Variants in TDRD6 observed in about 807,000 individuals in gnomAD.
The protein encoded by TDRD6 is tudor domain containing 6.
Under a neutral mutation model 157.5 loss-of-function variants are expected in TDRD6, and 186 were observed. The observed-to-expected ratio is 1.18, with a 90% CI of 1.05 to 1.33. The LOEUF (loss-of-function observed/expected upper bound fraction) is 1.33, where lower values mean the gene tolerates loss of function less well. TDRD6 is among the 40% of genes most tolerant of loss of function. TDRD6 has a pLI of 0.00. For synonymous variants in TDRD6, 1,075 were observed against 945.2 expected (o/e 1.14, Z -2.52); for missense variants, 3,066 against 2,508.0 (o/e 1.22, Z -4.75).
At chr6:46,683,883 A>G (rs1194302973), upstream of TDRD6, among the ~76,000 whole-genome samples, 4 of 152,156 alleles carry the variant, frequency 2.6e-5, no homozygotes, top group Admixed American at 2.6e-4. Context: ...TTCAAAATCT[A>G]AAGCCCTTCC....
In TDRD6 at chr6:46,703,726, CATTAA is replaced by C. The variant is rs1764682081; in HGVS notation, c.*1842_*1846del. The C allele has an allele frequency of 6.6e-6, 1 of 151,874 alleles. No individual in the cohort carries two copies. The highest frequency in any genetic ancestry group is 2.4e-5 in the African/African-American group (1 of 41,334). The allele number at this position is 151,874 out of a possible 1,614,324, so 9.4% of individuals were successfully genotyped here. ...TTACTACTACATATAGAATTGAAAACATTAAATAAAATTAACTGGAATATGAAGAA... is the reference window on the plus strand; with the variant it reads ...TTACTACTACATATAGAATTGAAAACATAAAATTAACTGGAATATGAAGAA... On this transcript the variant is annotated 3_prime_UTR_variant, in exon 4 of 4. Coordinates refer to ENST00000316081, the MANE Select transcript of TDRD6 (RefSeq NM_001010870.3).
At position 46,690,618 on chromosome 6, in the gene TDRD6, C is replaced by T. The variant is rs763995768; in HGVS notation, c.2490C>T (p.Asn830=). 5 of 1,614,054 alleles carry T rather than the reference C, an allele frequency of 3.1e-6. No individual in the cohort carries two copies. Among genetic ancestry groups the T allele is most frequent in the Non-Finnish European group, 3.4e-6 (4 of 1,180,042 alleles). ...CTTGTTTGGCTAAGCGAACAGTAAA[C>T]AGACAGTGGTCCAGAGCACTTATTA... ...TLACLAKRTV[N]RQWSRALISG... is the part of the protein sequence containing the mutation. Residue 830 remains asparagine (N), a synonymous_variant, in exon 1 of 4, where the codon AAC becomes AAT. Coordinates refer to ENST00000316081, the MANE Select transcript of TDRD6 (RefSeq NM_001010870.3).
rs1582548074 is a variant in TDRD6, at chr6:46,693,681, G to A, written c.5553G>A (p.Leu1851=). Residue 1851 remains leucine, a synonymous_variant, in exon 1 of 4, where the codon CTG becomes CTA. Coordinates refer to ENST00000316081, the MANE Select transcript of TDRD6 (RefSeq NM_001010870.3). ...PDDESKEFLE[L]ESIELQNSLV... The stretch of plus-strand genomic sequence containing the variant: ...ATGAATCAAAAGAATTCTTAGAACT[G>A]GAATCTATTGAGTTACAGAATTCTC... The A allele has an allele frequency of 2.5e-6, 4 of 1,614,140 alleles. No individual in the cohort carries two copies. Among genetic ancestry groups the A allele is most frequent in the African/African-American group, 2.7e-5 (2 of 75,046 alleles).
In TDRD6 at chr6:46,690,110, C is replaced by T. The variant is rs774209468; in HGVS notation, c.1982C>T (p.Ala661Val). 1.7e-5 allele frequency: 27 copies of T among 1,613,604 alleles called. No homozygotes were observed. Among genetic ancestry groups the T allele is most frequent in the Non-Finnish European group, 2.3e-5 (27 of 1,179,970 alleles). ...GAAGAAAACATTAGTAAGGTAATTG[C>T]CCAAGCTGGATATGCCAAGTATCAG... Reference protein sequence around the residue: ...TGEENISKVIAQAGYAKYQEF... With the variant: ...TGEENISKVIVQAGYAKYQEF... The change falls in exon 1 of 4, where the codon GCC (alanine) becomes GTC (valine). Residue 661 changes from alanine to valine, a missense_variant. Transcript: ENST00000316081.
At position 46,690,670 on chromosome 6, in the gene TDRD6, A is replaced by G. The variant is rs1427688120; in HGVS notation, c.2542A>G (p.Asn848Asp). Residue 848 changes from asparagine to aspartate, a missense_variant, in exon 1 of 4, where the codon AAT (asparagine) becomes GAT (aspartate). Asn to Asp is a conservative substitution (Grantham distance 23). Coordinates refer to ENST00000316081, the MANE Select transcript of TDRD6 (RefSeq NM_001010870.3). ...ISGIQSVEHV[N>D]VTFVDYGDRE... ...TGGGATACAGTCTGTGGAGCATGTC[A>G]ATGTAACATTTGTAGATTATGGAGA... 3.7e-6 allele frequency: 6 copies of G among 1,614,198 alleles called. No homozygotes were observed. The South Asian group carries it at 5.5e-5, about 15-fold the overall frequency.
rs1202345734 is a variant in TDRD6 at position 46,690,662 on chromosome 6, A to T, written c.2534A>T (p.Glu845Val). The change falls in exon 1 of 4, where the codon GAG becomes GTG. Residue 845 changes from glutamate to valine, a missense_variant. Physicochemically the swap from Glu to Val is moderately radical, Grantham distance 121. Coordinates refer to ENST00000316081, the MANE Select transcript of TDRD6 (RefSeq NM_001010870.3). ...RALISGIQSV[E>V]HVNVTFVDYG... The stretch of plus-strand genomic sequence containing the variant: ...CTTATTAGTGGGATACAGTCTGTGG[A>T]GCATGTCAATGTAACATTTGTAGAT... 1.2e-6 allele frequency: 2 copies of T among 1,614,218 alleles called. No individual in the cohort carries two copies. The highest frequency in any genetic ancestry group is 1.7e-6 in the Non-Finnish European group (2 of 1,180,032).
At chr6:46,698,198 C>CTGTG in intron 3 of TDRD6, 111 bp downstream of exon 3, 1 of 692,782 alleles carries the variant, frequency 1.4e-6, no homozygotes, top group Non-Finnish European at 2.4e-6. Flanking sequence ...GAGAAAAATC[C>CTGTG]TGTGACAATA....
rs1764268519 is a variant in TDRD6, at chr6:46,690,247, G to C, written c.2119G>C (p.Glu707Gln). The C allele has an allele frequency of 6.2e-7, 1 of 1,613,844 alleles. No individual in the cohort carries two copies. The highest frequency in any genetic ancestry group is 8.5e-7 in the Non-Finnish European group (1 of 1,179,998). The part of the protein sequence containing the change: ...KIPFAKTGEG[E>Q]QKAKRENKTT... ...ACCTTTTGCCAAGACTGGAGAAGGAGAGCAGAAAGCCAAGAGAGAGAATAA... is the reference window on the plus strand; with the variant it reads ...ACCTTTTGCCAAGACTGGAGAAGGACAGCAGAAAGCCAAGAGAGAGAATAA... Residue 707 changes from glutamate to glutamine, a missense_variant, in exon 1 of 4, where the codon GAG becomes CAG. Glu to Gln is a conservative substitution (Grantham distance 29, BLOSUM62 2). Transcript: ENST00000316081.
chr6:46,684,028 CAG>C (rs573190527), upstream of TDRD6, among the ~76,000 whole-genome samples: 55 of 152,180 alleles, frequency 3.6e-4, 1 homozygote, highest in South Asian at 4.6e-3. Flanking sequence ...GATATGGAAA[CAG>C]AGGGTAAATT....
rs775208684 is a variant in TDRD6, at chr6:46,688,599, C to T, written c.471C>T (p.Phe157=). ...ACTGGCCCGCCGACGCCGTGGACTT[C>T]CTTAGCAACCTTCAGGGCAAGGAGG... is the stretch of plus-strand genomic sequence containing the variant. ...PQHWPADAVD[F]LSNLQGKEVH... The change falls in exon 1 of 4, where the codon TTC becomes TTT. Residue 157 remains phenylalanine, a synonymous_variant. Coordinates refer to ENST00000316081, the MANE Select transcript of TDRD6 (RefSeq NM_001010870.3). 2.5e-6 allele frequency: 4 copies of T among 1,598,756 alleles called. No homozygotes were observed. Among genetic ancestry groups the T allele is most frequent in the Admixed American group, 1.7e-5 (1 of 59,992 alleles).
chr6:46,681,951 GA>G, the TDRD6 span, among the ~76,000 whole-genome samples: 2 of 151,838 alleles, frequency 1.3e-5, no homozygotes, highest in Non-Finnish European at 2.9e-5. Context: ...TTGGGATGAT[GA>G]AAAAAATCTG....
intron 3 of TDRD6, chr6:46,701,048 A>G (rs1224824486): frequency 2.2e-6 from 1 of 457,978 alleles, no homozygotes; most frequent in Admixed American, 2.5e-5. Context: ...TCAGTGGGTG[A>G]TACCACTATT....
In TDRD6 at chr6:46,691,827, A is replaced by G; in HGVS notation, c.3699A>G (p.Thr1233=). 6.2e-7 allele frequency: 1 copy of G among 1,604,004 alleles called. No individual in the cohort carries two copies. Among genetic ancestry groups the G allele is most frequent in the East Asian group, 2.2e-5 (1 of 44,786 alleles). ...AACTTTTACAAAGTTTAACAAAAAC[A>G]AACTTAGTCACTCAATATCAAGACT... ...ELKLLQSLTK[T]NLVTQYQDSV... is the part of the protein sequence containing the mutation. Residue 1233 remains threonine, a synonymous_variant, in exon 1 of 4, where the codon ACA becomes ACG. Coordinates refer to ENST00000316081, the MANE Select transcript of TDRD6 (RefSeq NM_001010870.3).
Position 46,689,247 on chromosome 6 carries a change from C to T in TDRD6, c.1119C>T (p.Thr373=), listed in dbSNP as rs1562052884. 2 of 1,614,132 alleles carry T rather than the reference C, an allele frequency of 1.2e-6. No homozygotes were observed. The highest frequency in any genetic ancestry group is 1.7e-6 in the Non-Finnish European group (2 of 1,180,024). Residue 373 remains threonine (T), a synonymous_variant, in exon 1 of 4, where the codon ACC becomes ACT. Transcript: ENST00000316081. ...LPEYFRMPVV[T]YPCALYGLWD... ...AATATTTTCGAATGCCGGTGGTGAC[C>T]TACCCTTGTGCTTTGTATGGACTCT...
chr6:46,694,099 T>A lies in TDRD6; in HGVS notation c.5971T>A (p.Leu1991Met), dbSNP rs1022222260. 5.0e-6 allele frequency: 8 copies of A among 1,608,642 alleles called. No homozygotes were observed. In the African/African-American group the frequency reaches 1.1e-4, roughly 21 times the overall value. Reference sequence around the variant, plus strand: ...TAAAAACAGGGATGCCATTTCGGCATTGATGCCTTTGTTCTCTGAGGAAGA... The same window carrying A: ...TAAAAACAGGGATGCCATTTCGGCAATGATGCCTTTGTTCTCTGAGGAAGA... ...EYKNRDAISA[L>M]MPLFSEEESS... is the part of the protein sequence containing the mutation. Residue 1991 changes from leucine (L) to methionine (M), a missense_variant, in exon 1 of 4, where the codon TTG becomes ATG. Transcript: ENST00000316081.
At position 46,689,400 on chromosome 6, in the gene TDRD6, T is replaced by G; in HGVS notation, c.1272T>G (p.Tyr424Ter). 6.2e-7 allele frequency: 1 copy of G among 1,613,814 alleles called. No homozygotes were observed. The highest frequency in any genetic ancestry group is 2.2e-5 in the East Asian group (1 of 44,862). ...AGCATGTGTATTATGTCAGCCTGTA[T>G]GGAGAAGATGGGATTAATCTGAACC... ...SFEHVYYVSL[Y>*]GEDGINLNRV... Residue 424 changes from tyrosine to a stop codon, truncating the protein, a stop_gained, in exon 1 of 4, where the codon TAT becomes TAG. Coordinates refer to ENST00000316081, the MANE Select transcript of TDRD6 (RefSeq NM_001010870.3). LOFTEE classifies it high-confidence loss of function.
In TDRD6 at chr6:46,689,331, A is replaced by G. The variant is rs372263593; in HGVS notation, c.1203A>G (p.Leu401=). The G allele has an allele frequency of 1.9e-6, 3 of 1,614,026 alleles. No individual in the cohort carries two copies. In the African/African-American group the frequency reaches 4.0e-5, roughly 22 times the overall value. Residue 401 remains leucine, a synonymous_variant, in exon 1 of 4, where the codon CTA becomes CTG. Transcript: ENST00000316081. ...TCGGTGACCTGAAGACACTGATACT[A>G]GGCAAGGCAGTGAATGCAAAGATTG... ...SQVGDLKTLI[L]GKAVNAKIEF...
chr6:46,688,572 G>A lies in TDRD6; in HGVS notation c.444G>A (p.Gln148=), dbSNP rs1179332556. 6.3e-7 allele frequency: 1 copy of A among 1,595,398 alleles called. No individual in the cohort carries two copies. Among genetic ancestry groups the A allele is most frequent in the Non-Finnish European group, 8.5e-7 (1 of 1,177,708 alleles). ...GCGCGGGCTCAGGCGAGCCGCCGCA[G>A]CACTGGCCCGCCGACGCCGTGGACT... is the stretch of plus-strand genomic sequence containing the variant. ...GCGAGSGEPP[Q]HWPADAVDFL... Residue 148 remains glutamine (Q), a synonymous_variant, in exon 1 of 4, where the codon CAG becomes CAA. Coordinates refer to ENST00000316081, the MANE Select transcript of TDRD6 (RefSeq NM_001010870.3).
chr6:46,698,877 T>C (rs906885389), intron 3 of TDRD6, among the ~76,000 whole-genome samples: 8 of 152,208 alleles, frequency 5.3e-5, no homozygotes, highest in Non-Finnish European at 8.8e-5. Context: ...TGGTTTCAAT[T>C]CATCCTACAT....
Sources: allele counts gnomAD v4.1 joint callset (sites outside exome capture counted in the v4.1 genomes callset), GRCh38; gene constraint gnomAD v4.1.1; transcripts MANE v1.5; gene names NCBI Gene and HGNC (gene_info 2026-07-23, HGNC 2026-07-21).